Variants in CNTNAP2 observed in about 807,000 individuals in gnomAD.
CNTNAP2 encodes the protein contactin associated protein 2, also known as contactin-associated protein-like 2.
In CNTNAP2, 98 loss-of-function variants were observed where a neutral mutation model predicts 155.2. The ratio of observed to expected loss-of-function variants is 0.63; its 90% CI spans 0.54 to 0.75. CNTNAP2 has a LOEUF of 0.75. Among genes scored for constraint, CNTNAP2 ranks in the 30% least tolerant of loss-of-function variants. The pLI, the probability that CNTNAP2 is intolerant of heterozygous loss-of-function variation, is 0.00. For missense variants in CNTNAP2, 1,727 were observed against 1,688.1 expected (o/e 1.02, Z -0.40); for synonymous variants, 651 against 631.2 (o/e 1.03, Z -0.47).
At chr7:147,261,153 T>C (rs1465412213) in intron 8 of CNTNAP2, among the ~76,000 whole-genome samples, 2 of 152,204 alleles carry the variant, frequency 1.3e-5, no homozygotes, top group Non-Finnish European at 2.9e-5. Context: ...TAGCTAGTAA[T>C]GCCCTTCTAA....
At chr7:147,519,434 A>T (rs933976393) in intron 11 of CNTNAP2, among the ~76,000 whole-genome samples, 4 of 152,242 alleles carry the variant, frequency 2.6e-5, no homozygotes, top group Non-Finnish European at 5.9e-5. Flanking sequence ...TCCTTAACCT[A>T]ATCACATCTG....
rs543711021 is a variant in CNTNAP2, at chr7:147,831,362, C to T, written c.2099-72203C>T. 3.9e-5 allele frequency among the ~76,000 whole-genome samples: 6 copies of T among 152,246 alleles called. No individual in the cohort carries two copies. The Middle Eastern group carries it at 0.01, about 259-fold the overall frequency. On this transcript the variant is annotated intron_variant, in intron 13 of 23. Transcript: ENST00000361727. ...AACGCATACACTCTTACTGAAGACA[C>T]AGAAATGAACAGAACAGAACTAAAA... is the stretch of plus-strand genomic sequence containing the variant.
Position 146,121,290 on chromosome 7 carries a change from G to A in CNTNAP2, c.97+4317G>A, listed in dbSNP as rs538840916. Among the ~76,000 whole-genome samples, 72 of 151,544 alleles carry A rather than the reference G, an allele frequency of 4.8e-4. No homozygotes were observed. The South Asian group carries it at 0.015, about 31-fold the overall frequency. ...ACTACAGGCGCCCACCACCATGCCC[G>A]GCTAATTTTTAGTCTTGTGAATCTT... On this transcript the variant is annotated intron_variant, in intron 1 of 23. Coordinates refer to ENST00000361727, the MANE Select transcript of CNTNAP2 (RefSeq NM_014141.6).
At chr7:147,307,019 A>G (rs1341581873) in intron 9 of CNTNAP2, among the ~76,000 whole-genome samples, 1 of 152,232 alleles carries the variant, frequency 6.6e-6, no homozygotes, top group Admixed American at 6.5e-5. Flanking sequence ...TTAAGAATAA[A>G]TTAAGTCATC....
At chr7:146,817,196 G>A (rs565738712) in intron 2 of CNTNAP2, among the ~76,000 whole-genome samples, 21 of 152,288 alleles carry the variant, frequency 1.4e-4, no homozygotes, top group Non-Finnish European at 2.5e-4. Context: ...CCTGGGCCAG[G>A]TGCGGTGACT....
At chr7:146,403,652 C>G (rs1795745534) in intron 1 of CNTNAP2, among the ~76,000 whole-genome samples, 1 of 152,088 alleles carries the variant, frequency 6.6e-6, no homozygotes, top group Non-Finnish European at 1.5e-5. Context: ...AACAGCAACA[C>G]AAACCTTCAC....
chr7:148,415,651 G>GAATTAC lies in CNTNAP2; in HGVS notation c.*36_*41dup. 6.2e-7 allele frequency: 1 copy of GAATTAC among 1,611,356 alleles called. No individual in the cohort carries two copies. The highest frequency in any genetic ancestry group is 8.5e-7 in the Non-Finnish European group (1 of 1,179,012). ...ACTTGGCTATGGGATAGGGAGGAGG[G>GAATTAC]AATTACTAGGGAGGAGAGAAAGGGA... On this transcript the variant is annotated 3_prime_UTR_variant, in exon 24 of 24. Transcript: ENST00000361727.
At position 147,376,512 on chromosome 7, in the gene CNTNAP2, A is replaced by C. The variant is rs139856513; in HGVS notation, c.1499-19097A>C. ...ATTTTTCTAACTTGTAGTGAATTTT[A>C]CCTTTTTTCATTGTATACTAACCTT... On this transcript the variant is annotated intron_variant, in intron 9 of 23. Transcript: ENST00000361727. Among the ~76,000 whole-genome samples the C allele has an allele frequency of 2.7e-4, 41 of 152,044 alleles. No homozygotes were observed. The East Asian group carries it at 3.9e-3, about 14-fold the overall frequency.
intron 16 of CNTNAP2, among the ~76,000 whole-genome samples, chr7:148,130,202 C>A (rs1304891261): frequency 6.6e-6 from 1 of 152,252 alleles, no homozygotes; most frequent in South Asian, 2.1e-4. Context: ...GTTTTACTAA[C>A]CTCCCCATAG....
At chr7:147,441,130 T>C (rs1386858194) in intron 10 of CNTNAP2, among the ~76,000 whole-genome samples, 1 of 152,082 alleles carries the variant, frequency 6.6e-6, no homozygotes, top group Non-Finnish European at 1.5e-5. Flanking sequence ...ACTTTCTAGA[T>C]TCTATATGCA....
intron 1 of CNTNAP2, among the ~76,000 whole-genome samples, chr7:146,689,951 G>GT (rs1166481652): frequency 6.6e-6 from 1 of 151,564 alleles, no homozygotes. Flanking sequence ...GAGGAATGGT[G>GT]TTTCCATCAA....
At chr7:146,232,091 G>GT (rs1799395281) in intron 1 of CNTNAP2, among the ~76,000 whole-genome samples, 1 of 150,812 alleles carries the variant, frequency 6.6e-6, no homozygotes, top group South Asian at 2.1e-4. Flanking sequence ...CCTAGGAGAG[G>GT]TTTTCCATGG....
chr7:148,360,731 A>G (rs1798603402), intron 21 of CNTNAP2, among the ~76,000 whole-genome samples: 1 of 152,176 alleles, frequency 6.6e-6, no homozygotes, highest in African/African-American at 2.4e-5. Flanking sequence ...TTAATTTGTA[A>G]AGGGCTAAAA....
At chr7:146,647,436 C>A (rs1799833761) in intron 1 of CNTNAP2, among the ~76,000 whole-genome samples, 1 of 151,922 alleles carries the variant, frequency 6.6e-6, no homozygotes, top group African/African-American at 2.4e-5. Context: ...GTTAAAAAAA[C>A]AAATAACTGA....
chr7:147,423,530 A>G (rs1478981695), intron 10 of CNTNAP2, among the ~76,000 whole-genome samples: 1 of 152,068 alleles, frequency 6.6e-6, no homozygotes, highest in African/African-American at 2.4e-5. Flanking sequence ...AAATGTATAG[A>G]CCCTTGGCCC....
At chr7:148,172,614 G>T (rs766078321) in intron 18 of CNTNAP2, 136 bp downstream of exon 18, 15 of 867,544 alleles carry the variant, frequency 1.7e-5, no homozygotes, top group Non-Finnish European at 2.7e-5. Flanking sequence ...TCTCAACTTA[G>T]GTAGGAATTT....
rs192484977 is a variant in CNTNAP2, at chr7:147,642,546, T to C, written c.2098+3240T>C. 5.1e-4 allele frequency among the ~76,000 whole-genome samples: 77 copies of C among 152,148 alleles called. 1 individual carries two copies. The East Asian group carries it at 5.2e-3, about 10-fold the overall frequency. ...CATAACCACTCTCCTTTACAAAACATAAAATGTACAAAACATCAGGAAAAA... is the reference window on the plus strand; with the variant it reads ...CATAACCACTCTCCTTTACAAAACACAAAATGTACAAAACATCAGGAAAAA... On this transcript the variant is annotated intron_variant, in intron 13 of 23. Transcript: ENST00000361727.
chr7:147,742,497 A>G (rs892599594), intron 13 of CNTNAP2, among the ~76,000 whole-genome samples: 1 of 152,218 alleles, frequency 6.6e-6, no homozygotes, highest in African/African-American at 2.4e-5. Context: ...CAAGTGTCAG[A>G]GCATATGTTG....
chr7:147,417,342 C>T (rs1250852717), intron 10 of CNTNAP2, among the ~76,000 whole-genome samples: 2 of 152,164 alleles, frequency 1.3e-5, no homozygotes, highest in Non-Finnish European at 2.9e-5. Context: ...CTGGTGAAGG[C>T]TTGCTTCCCA....
Sources: gnomAD v4.1 joint callset for allele counts (sites outside exome capture counted in the v4.1 genomes callset) on GRCh38, gnomAD v4.1.1 for gene constraint, MANE v1.5 for transcripts, NCBI Gene and HGNC (gene_info 2026-07-23, HGNC 2026-07-21) for gene names.